The following IFT56 variants were observed in gnomAD, a reference collection of about 807,000 sequenced individuals.
IFT56 encodes intraflagellar transport protein 56.
chr7:139,137,101 T>C, the IFT56 span, among the ~76,000 whole-genome samples: 1 of 152,198 alleles, frequency 6.6e-6, no homozygotes, highest in East Asian at 1.9e-4. Context: ...AAATATGTGT[T>C]GGCTCACTAT....
At chr7:139,135,277 C>CAAAAAA in the IFT56 span, among the ~76,000 whole-genome samples, 56 of 62,624 alleles carry the variant, frequency 8.9e-4, no homozygotes, top group South Asian at 1.8e-3. Context: ...GACTCCGTCT[C>CAAAAAA]AAAAAAAAAA....
At chr7:139,175,339 A>T in the IFT56 span, among the ~76,000 whole-genome samples, 1 of 152,218 alleles carries the variant, frequency 6.6e-6, no homozygotes, top group Non-Finnish European at 1.5e-5. Flanking sequence ...TAAAAATAGG[A>T]TGACCATATG....
At chr7:139,166,872 G>A in the IFT56 span, 2,576 of 1,583,786 alleles carry the variant, frequency 1.6e-3, 3 homozygotes, top group Non-Finnish European at 2.0e-3. Flanking sequence ...CTTAATTAAG[G>A]ATCTGGAACC....
the IFT56 span, among the ~76,000 whole-genome samples, chr7:139,151,629 A>G: frequency 4.4e-3 from 666 of 152,368 alleles, 3 homozygotes; most frequent in African/African-American, 0.014. Context: ...ATTAAATGGT[A>G]TGAGGTATGT....
chr7:139,164,389 GAA>G, the IFT56 span, among the ~76,000 whole-genome samples: 1 of 152,200 alleles, frequency 6.6e-6, no homozygotes, highest in African/African-American at 2.4e-5. Context: ...TGTCTGCCTA[GAA>G]AAGAGTTTTG....
chr7:139,175,769 G>A, the IFT56 span, among the ~76,000 whole-genome samples: 4 of 151,962 alleles, frequency 2.6e-5, no homozygotes, highest in Non-Finnish European at 5.9e-5. Context: ...GGAGGGCAGT[G>A]AGGATGGCTC....
At chr7:139,147,928 G>A in the IFT56 span, among the ~76,000 whole-genome samples, 3 of 152,260 alleles carry the variant, frequency 2.0e-5, no homozygotes, top group Middle Eastern at 3.4e-3. Flanking sequence ...TGTGTGGAGT[G>A]TGCTTGTGTT....
the IFT56 span, chr7:139,134,926 T>C: frequency 2.3e-6 from 2 of 883,144 alleles, no homozygotes; most frequent in Non-Finnish European, 3.3e-6. Flanking sequence ...CCCCTGTAAA[T>C]CTAGTCAGGC....
At chr7:139,169,266 T>C in the IFT56 span, 1 of 1,607,288 alleles carries the variant, frequency 6.2e-7, no homozygotes. Context: ...TATTCCTCTA[T>C]ATCAGCTCAG....
At chr7:139,171,964 A>G in the IFT56 span, among the ~76,000 whole-genome samples, 2 of 152,208 alleles carry the variant, frequency 1.3e-5, no homozygotes, top group African/African-American at 4.8e-5. Context: ...ATAATGTTTC[A>G]TAGAGAGGGA....
At chr7:139,150,075 A>G in the IFT56 span, among the ~76,000 whole-genome samples, 3 of 152,170 alleles carry the variant, frequency 2.0e-5, no homozygotes, top group African/African-American at 7.2e-5. Context: ...GCATGTGTCA[A>G]ACTTTAAAAA....
At chr7:139,160,363 C>A in the IFT56 span, among the ~76,000 whole-genome samples, 1 of 151,970 alleles carries the variant, frequency 6.6e-6, no homozygotes, top group Non-Finnish European at 1.5e-5. Context: ...AAAACTAACT[C>A]TAGTAGTCTT....
At chr7:139,164,005 C>A in the IFT56 span, among the ~76,000 whole-genome samples, 2 of 152,100 alleles carry the variant, frequency 1.3e-5, no homozygotes, top group Non-Finnish European at 2.9e-5. Flanking sequence ...AATAAATTGT[C>A]CTTTCATGGA....
At chr7:139,183,461 A>G in the IFT56 span, among the ~76,000 whole-genome samples, 1 of 152,186 alleles carries the variant, frequency 6.6e-6, no homozygotes, top group Non-Finnish European at 1.5e-5. Flanking sequence ...TTTATCAAGC[A>G]TATGTGTGAG....
the IFT56 span, among the ~76,000 whole-genome samples, chr7:139,155,607 C>G: frequency 6.6e-6 from 1 of 152,072 alleles, no homozygotes; most frequent in Non-Finnish European, 1.5e-5. Context: ...TGTTAAACCA[C>G]CCTTGTATTC....
the IFT56 span, chr7:139,139,847 G>T: frequency 7.4e-7 from 1 of 1,353,248 alleles, no homozygotes; most frequent in South Asian, 1.3e-5. Flanking sequence ...CCCATCAATT[G>T]CTTTGCTGCC....
chr7:139,184,139 C>T, the IFT56 span, among the ~76,000 whole-genome samples: 26 of 152,228 alleles, frequency 1.7e-4, no homozygotes, highest in Admixed American at 5.2e-4. Context: ...ACCTTCACCA[C>T]GGCCCCACCT....
the IFT56 span, among the ~76,000 whole-genome samples, chr7:139,136,409 C>A: frequency 6.6e-6 from 1 of 152,042 alleles, no homozygotes; most frequent in Admixed American, 6.6e-5. Context: ...TTCTCTAAGA[C>A]AATGACCACA....
At chr7:139,179,368 A>G in the IFT56 span, among the ~76,000 whole-genome samples, 1 of 152,228 alleles carries the variant, frequency 6.6e-6, no homozygotes, top group South Asian at 2.1e-4. Context: ...CTATATCCTT[A>G]CCAACTTTTT....
Sources: allele counts gnomAD v4.1 joint callset (sites outside exome capture counted in the v4.1 genomes callset), GRCh38; gene constraint gnomAD v4.1.1; transcripts MANE v1.5; gene names NCBI Gene and HGNC (gene_info 2026-07-23, HGNC 2026-07-21).